ITGA8: variants seen among roughly 807,000 people sequenced by gnomAD.
The protein encoded by ITGA8 is integrin subunit alpha 8, also known as integrin alpha-8.
A neutral mutation model predicts 142.3 loss-of-function variants in ITGA8; 91 were observed. That is an observed-to-expected ratio of 0.64 (90% CI 0.54 to 0.76). ITGA8 has a LOEUF of 0.76. ITGA8 is among the 30% of genes least tolerant of loss of function. The pLI is 0.00. For missense variants in ITGA8, 1,406 were observed against 1,327.7 expected (o/e 1.06, Z -0.92); for synonymous variants, 505 against 485.2 (o/e 1.04, Z -0.54).
chr10:15,582,539 T>A (rs1273086784), intron 23 of ITGA8, among the ~76,000 whole-genome samples: 1 of 152,176 alleles, frequency 6.6e-6, no homozygotes, highest in African/African-American at 2.4e-5. Flanking sequence ...ATTTGGTAAA[T>A]GGCTTTGTAT....
At chr10:15,647,868 T>C (rs994276496) in intron 11 of ITGA8, among the ~76,000 whole-genome samples, 1 of 152,220 alleles carries the variant, frequency 6.6e-6, no homozygotes. Flanking sequence ...TATATCAAGC[T>C]GGCTAGAAAG....
chr10:15,547,019 G>C (rs1265107072), intron 27 of ITGA8, among the ~76,000 whole-genome samples: 1 of 151,674 alleles, frequency 6.6e-6, no homozygotes, highest in Non-Finnish European at 1.5e-5. Context: ...AAAAATCTAG[G>C]GATAAAAAAA....
intron 13 of ITGA8, among the ~76,000 whole-genome samples, chr10:15,634,368 T>C (rs1333962072): frequency 6.6e-6 from 1 of 152,110 alleles, no homozygotes; most frequent in African/African-American, 2.4e-5. Context: ...GATTTATACA[T>C]ATTATCTAGC....
rs915380829 is a variant in ITGA8 at position 15,607,579 on chromosome 10, G to A, written c.1764+98C>T. ...CTATGAAAATGAAAACAGACAGATG[G>A]GGGTCTATGCAGACAAACATGATGG... On this transcript the variant is annotated intron_variant, in intron 17 of 29. Coordinates refer to ENST00000378076, the MANE Select transcript of ITGA8 (RefSeq NM_003638.3). The A allele has an allele frequency of 3.8e-5, 42 of 1,100,794 alleles. 1 individual carries two copies. Among genetic ancestry groups the A allele is most frequent in the Middle Eastern group, 2.5e-4 (1 of 4,044 alleles). The allele number at this position is 1,100,794 out of a possible 1,614,324, so 68.2% of individuals were successfully genotyped here.
At chr10:15,612,888 T>C (rs4748185) in intron 15 of ITGA8, among the ~76,000 whole-genome samples, 136,555 of 152,294 alleles carry the variant, frequency 0.9, 62,894 homozygotes, top group Non-Finnish European at 1. Flanking sequence ...CGGCTGGGCA[T>C]GGTGGCCCAC....
chr10:15,515,563 G>T lies in ITGA8; in HGVS notation c.*1595C>A. ...TTTCCAACAGCTTTGTAAACTTAAG[G>T]ATTTGGGTCAGCTTGTTCTATCATA... is the stretch of plus-strand genomic sequence containing the variant. On this transcript the variant is annotated 3_prime_UTR_variant, in exon 30 of 30. Coordinates refer to ENST00000378076, the MANE Select transcript of ITGA8 (RefSeq NM_003638.3). The T allele has an allele frequency of 6.7e-6, 1 of 148,808 alleles. No individual in the cohort carries two copies. Among genetic ancestry groups the T allele is most frequent in the African/African-American group, 2.5e-5 (1 of 40,554 alleles). 9.2% of individuals were successfully genotyped at this position (148,808 alleles called of 1,614,324 possible).
chr10:15,635,626 A>G (rs1192831989), intron 13 of ITGA8, among the ~76,000 whole-genome samples: 1 of 152,168 alleles, frequency 6.6e-6, no homozygotes, highest in Non-Finnish European at 1.5e-5. Flanking sequence ...CTTCAATTTG[A>G]TCTACATGCA....
intron 13 of ITGA8, among the ~76,000 whole-genome samples, chr10:15,641,487 A>C (rs1357983847): frequency 1.3e-5 from 2 of 152,194 alleles, no homozygotes; most frequent in African/African-American, 2.4e-5. Flanking sequence ...GAAGTTAAAA[A>C]GGCTTCTTTG....
chr10:15,536,220 C>T (rs1280180644), intron 27 of ITGA8, among the ~76,000 whole-genome samples: 1 of 151,550 alleles, frequency 6.6e-6, no homozygotes, highest in Non-Finnish European at 1.5e-5. Flanking sequence ...TGTAACACCA[C>T]CTCTCCTAGA....
intron 2 of ITGA8, among the ~76,000 whole-genome samples, chr10:15,705,272 C>T (rs1835237338): frequency 6.6e-6 from 1 of 152,146 alleles, no homozygotes; most frequent in South Asian, 2.1e-4. Flanking sequence ...TCTGAATTTC[C>T]TTTTGCTCCC....
intron 4 of ITGA8, among the ~76,000 whole-genome samples, chr10:15,681,959 C>A (rs1024603599): frequency 1.3e-5 from 2 of 152,150 alleles, no homozygotes; most frequent in African/African-American, 4.8e-5. Context: ...TTTAGCATAA[C>A]AATACTGACC....
rs956681777 is a variant in ITGA8 at position 15,632,308 on chromosome 10, T to C, written c.1399+11722A>G. On this transcript the variant is annotated intron_variant, in intron 13 of 29. Transcript: ENST00000378076. ...GGCAGATGGAGGTACTCAGAGGTTT[T>C]CACAACACACTAAGCAAAATAGAAA... Among the ~76,000 whole-genome samples, 4 of 152,294 alleles carry C rather than the reference T, an allele frequency of 2.6e-5. No homozygotes were observed. In the South Asian group the frequency reaches 6.2e-4, roughly 24 times the overall value.
At chr10:15,669,899 C>T (rs374697187) in intron 8 of ITGA8, among the ~76,000 whole-genome samples, 6 of 152,144 alleles carry the variant, frequency 3.9e-5, no homozygotes, top group East Asian at 3.9e-4. Flanking sequence ...ACTACCCGGC[C>T]GTGTGAGGTG....
chr10:15,686,591 C>T (rs985514216), intron 3 of ITGA8, among the ~76,000 whole-genome samples: 15 of 152,134 alleles, frequency 9.9e-5, no homozygotes, highest in Admixed American at 1.3e-4. Context: ...GACCCAAACC[C>T]GCTATGTATA....
At chr10:15,522,739 C>A (rs1391556035) in intron 28 of ITGA8, among the ~76,000 whole-genome samples, 2 of 152,198 alleles carry the variant, frequency 1.3e-5, no homozygotes, top group African/African-American at 4.8e-5. Context: ...AGGCTGGGCA[C>A]AGTGGCTCAT....
intron 21 of ITGA8, 45 bp downstream of exon 21, chr10:15,597,162 G>A (rs1373757934): frequency 6.9e-7 from 1 of 1,452,026 alleles, no homozygotes; most frequent in Admixed American, 1.7e-5. Context: ...TCCCTGTGAA[G>A]TCCAGTTAGA....
chr10:15,546,396 T>C (rs73598787), intron 27 of ITGA8, among the ~76,000 whole-genome samples: 8,428 of 152,280 alleles, frequency 0.055, 757 homozygotes, highest in African/African-American at 0.19. Flanking sequence ...TGAATGAATA[T>C]GTAAAGGTTT....
intron 2 of ITGA8, among the ~76,000 whole-genome samples, chr10:15,690,731 T>A (rs2131711799): frequency 6.6e-6 from 1 of 152,100 alleles, no homozygotes; most frequent in African/African-American, 2.4e-5. Context: ...GCCTAACAAC[T>A]TACTTTGCCA....
chr10:15,643,394 C>A (rs1833905209), intron 13 of ITGA8, among the ~76,000 whole-genome samples: 1 of 152,132 alleles, frequency 6.6e-6, no homozygotes, highest in African/African-American at 2.4e-5. Flanking sequence ...ATTCTTGTGC[C>A]TCAGCCTCTA....
Sources: gnomAD v4.1 joint callset for allele counts (sites outside exome capture counted in the v4.1 genomes callset) on GRCh38, gnomAD v4.1.1 for gene constraint, MANE v1.5 for transcripts, NCBI Gene and HGNC (gene_info 2026-07-23, HGNC 2026-07-21) for gene names.